Variants in MB observed in about 807,000 individuals in gnomAD.
The protein encoded by MB is nitrite reductase MB.
Under a neutral mutation model 14.5 loss-of-function variants are expected in MB, and 10 were observed. That is an observed-to-expected ratio of 0.69 (90% CI 0.43 to 1.17). MB has a LOEUF of 1.17. Among genes scored for constraint, MB ranks in the 50% most tolerant of loss-of-function variants. The pLI, the probability that MB is intolerant of heterozygous loss-of-function variation, is 0.00. For missense variants in MB, 169 were observed against 192.7 expected, an observed-to-expected ratio of 0.88 and a Z score of 0.73; for synonymous variants, 89 against 78.6, an observed-to-expected ratio of 1.13 and a Z score of -0.70.
intron 1 of MB, chr22:35,615,533 A>C (rs1373055162): frequency 1.3e-5 from 2 of 152,078 alleles, no homozygotes; most frequent in Non-Finnish European, 2.9e-5. Flanking sequence ...CTCCCAAATC[A>C]CCTTGGAAAG....
chr22:35,608,675 G>A lies in MB; in HGVS notation c.319-1232C>T, dbSNP rs1482011831. Among the ~76,000 whole-genome samples the A allele has an allele frequency of 2.6e-5, 4 of 152,184 alleles. No individual in the cohort carries two copies. Among genetic ancestry groups the A allele is most frequent in the African/African-American group, 9.7e-5 (4 of 41,434 alleles). On this transcript the variant is annotated intron_variant, in intron 2 of 2. Transcript: ENST00000397326. The surrounding 1 kb of genome is among the most constrained non-coding windows in gnomAD (Gnocchi z 4.3). ...TCATGGAGCAAGCCCTGTCCTTAGA[G>A]AACTTGAGAGAATCAAGTTCCAGGG...
chr22:35,617,953 T>A (rs1923204322), upstream of MB, among the ~76,000 whole-genome samples: 1 of 152,212 alleles, frequency 6.6e-6, no homozygotes, highest in South Asian at 2.1e-4. Context: ...ACACCACTAA[T>A]TGCTTCCTCC....
At chr22:35,617,955 G>A (rs1174471067), upstream of MB, among the ~76,000 whole-genome samples, 1 of 152,164 alleles carries the variant, frequency 6.6e-6, no homozygotes, top group Non-Finnish European at 1.5e-5. Flanking sequence ...ACCACTAATT[G>A]CTTCCTCCTT....
In MB at chr22:35,608,469, G is replaced by A. The variant is rs548931153; in HGVS notation, c.319-1026C>T. Reference sequence around the variant, plus strand: ...GGCCCCAGGGTGCAAGTGACATAAAGCAGGGATAGTCGCGGGTGGGACATG... The same window carrying A: ...GGCCCCAGGGTGCAAGTGACATAAAACAGGGATAGTCGCGGGTGGGACATG... On this transcript the variant is annotated intron_variant, in intron 2 of 2. Coordinates refer to ENST00000397326, the MANE Select transcript of MB (RefSeq NM_005368.3). This position sits in a 1 kb window ranked among gnomAD's most constrained non-coding sequence, Gnocchi z 4.3. Among the ~76,000 whole-genome samples the A allele has an allele frequency of 6.6e-5, 10 of 152,310 alleles. No individual in the cohort carries two copies. Among genetic ancestry groups the A allele is most frequent in the South Asian group, 2.1e-4 (1 of 4,826 alleles).
At chr22:35,618,424 T>A (rs1923240391), upstream of MB, among the ~76,000 whole-genome samples, 1 of 152,190 alleles carries the variant, frequency 6.6e-6, no homozygotes, top group Non-Finnish European at 1.5e-5. Flanking sequence ...ATTAGCCTTA[T>A]CTTACATCCA....
chr22:35,611,180 C>T (rs1448578561), intron 1 of MB, 74 bp from the exon 2 acceptor site: 1 of 1,029,038 alleles, frequency 9.7e-7, no homozygotes, highest in South Asian at 1.3e-5. Flanking sequence ...GACTAGAGTT[C>T]AAGTTTAGCT....
upstream of MB, among the ~76,000 whole-genome samples, chr22:35,618,636 C>G (rs1411682963): frequency 6.6e-6 from 1 of 152,032 alleles, no homozygotes; most frequent in South Asian, 2.1e-4. Context: ...TCCGACATCC[C>G]TTAATTCATC....
intron 1 of MB, among the ~76,000 whole-genome samples, chr22:35,614,809 G>A (rs914575820): frequency 3.3e-5 from 5 of 152,058 alleles, no homozygotes; most frequent in African/African-American, 1.2e-4. Flanking sequence ...GCCATTAACC[G>A]GTGGAGACTC....
At chr22:35,617,491 T>TA (rs1422770485), upstream of MB, 27 of 552,702 alleles carry the variant, frequency 4.9e-5, no homozygotes, top group East Asian at 7.8e-4. Flanking sequence ...GGGAAGCTAT[T>TA]TTAGGGCAGG....
At chr22:35,609,825 C>G (rs1234283667) in intron 2 of MB, among the ~76,000 whole-genome samples, 4 of 152,196 alleles carry the variant, frequency 2.6e-5, no homozygotes, top group African/African-American at 9.7e-5. Context: ...CCCGTGCAGA[C>G]AGGATGGCTC....
At chr22:35,616,117 C>T (rs150220729) in intron 1 of MB, among the ~76,000 whole-genome samples, 3 of 152,324 alleles carry the variant, frequency 2.0e-5, no homozygotes, top group Non-Finnish European at 4.4e-5. Flanking sequence ...GTGCCAAAGA[C>T]AATCCATTCA....
At chr22:35,620,811 G>C (rs575280390), upstream of MB, among the ~76,000 whole-genome samples, 1 of 152,148 alleles carries the variant, frequency 6.6e-6, no homozygotes, top group Non-Finnish European at 1.5e-5. Flanking sequence ...CCCGTCTCTG[G>C]CCTCCTGAGT....
upstream of MB, among the ~76,000 whole-genome samples, chr22:35,618,609 A>G (rs1923252509): frequency 6.6e-6 from 1 of 151,490 alleles, no homozygotes; most frequent in African/African-American, 2.4e-5. Context: ...TCCAACATCT[A>G]TCAATCCCTC....
upstream of MB, among the ~76,000 whole-genome samples, chr22:35,619,887 T>C (rs183186022): frequency 1.3e-5 from 2 of 152,272 alleles, no homozygotes. Context: ...GTCGGCTGAC[T>C]CCTAGCGACC....
chr22:35,617,009 C>T (rs2145923127), intron 1 of MB, 154 bp downstream of exon 1: 2 of 626,152 alleles, frequency 3.2e-6, no homozygotes, highest in South Asian at 1.9e-5. Flanking sequence ...CAATCCCTGA[C>T]ACTTAAAAGC....
At chr22:35,616,950 T>C (rs1285002868) in intron 1 of MB, 13 of 553,530 alleles carry the variant, frequency 2.3e-5, no homozygotes, top group Non-Finnish European at 3.9e-5. Flanking sequence ...TCATGCTTCC[T>C]CCAGCTGCTG....
At chr22:35,613,972 T>A (rs1208120290) in intron 1 of MB, among the ~76,000 whole-genome samples, 1 of 152,208 alleles carries the variant, frequency 6.6e-6, no homozygotes, top group Admixed American at 6.5e-5. Context: ...AATGAACAGA[T>A]GAAAGCCCCT....
At chr22:35,613,918 G>T (rs1922857947) in intron 1 of MB, among the ~76,000 whole-genome samples, 1 of 152,202 alleles carries the variant, frequency 6.6e-6, no homozygotes, top group South Asian at 2.1e-4. Context: ...GAGCCCCCCA[G>T]GCAGCCACAG....
chr22:35,617,314 CCAA>C lies in MB; in HGVS notation c.-60_-58del, dbSNP rs1437488066. The stretch of plus-strand genomic sequence containing the variant: ...TATGGGCTCACTGGGTGTCCTGGCC[CCAA>C]CAGCTGGGGTTTGAGGCTGCCTGGT... On this transcript the variant is annotated 5_prime_UTR_variant, in exon 1 of 3. Coordinates refer to ENST00000397326, the MANE Select transcript of MB (RefSeq NM_005368.3). The C allele has an allele frequency of 7.0e-7, 1 of 1,430,230 alleles. No individual in the cohort carries two copies. The highest frequency in any genetic ancestry group is 2.3e-5 in the East Asian group (1 of 43,886). The allele number at this position is 1,430,230 out of a possible 1,614,324, so 88.6% of individuals were successfully genotyped here.
Sources: allele counts gnomAD v4.1 joint callset (sites outside exome capture counted in the v4.1 genomes callset), GRCh38; gene constraint gnomAD v4.1.1; non-coding constraint Gnocchi (gnomAD v3.1); transcripts MANE v1.5; gene names NCBI Gene and HGNC (gene_info 2026-07-23, HGNC 2026-07-21).